Variants in MIS18BP1 observed in about 807,000 individuals in gnomAD.
The protein encoded by MIS18BP1 is MIS18 binding protein 1, also known as mis18-binding protein 1.
A neutral mutation model predicts 116.1 loss-of-function variants in MIS18BP1; 72 were observed. That is an observed-to-expected ratio of 0.62 (90% CI 0.51 to 0.75). The LOEUF (loss-of-function observed/expected upper bound fraction) is 0.75, where lower values mean the gene tolerates loss of function less well. Ranked by LOEUF, MIS18BP1 falls within the 30% of genes least tolerant of loss-of-function variation. The pLI is 0.00. For synonymous variants in MIS18BP1, 386 were observed against 427.0 expected (o/e 0.90, Z 1.18); for missense variants, 1,363 against 1,303.2 (o/e 1.05, Z -0.71).
At chr14:45,215,620 C>T (rs1456064289) in intron 13 of MIS18BP1, among the ~76,000 whole-genome samples, 1 of 151,810 alleles carries the variant, frequency 6.6e-6, no homozygotes, top group African/African-American at 2.4e-5. Flanking sequence ...ACCATGTTGG[C>T]CAGAATGGTC....
intron 5 of MIS18BP1, among the ~76,000 whole-genome samples, chr14:45,236,530 T>C (rs1175610314): frequency 6.6e-6 from 1 of 152,198 alleles, no homozygotes. Flanking sequence ...AGATAAATGA[T>C]GAACACTGTC....
At chr14:45,225,872 T>G (rs562122717) in intron 10 of MIS18BP1, among the ~76,000 whole-genome samples, 78 of 152,302 alleles carry the variant, frequency 5.1e-4, no homozygotes, top group African/African-American at 1.9e-3. Flanking sequence ...ACAAGATGAC[T>G]GACAGAATGA....
intron 8 of MIS18BP1, among the ~76,000 whole-genome samples, chr14:45,228,575 C>A (rs115066845): frequency 0.027 from 4,121 of 152,278 alleles, 110 homozygotes; most frequent in African/African-American, 0.068. Flanking sequence ...CTAAATTATA[C>A]AGTATATAAT....
chr14:45,237,562 G>A, intron 5 of MIS18BP1, 86 bp downstream of exon 5: 1 of 1,455,540 alleles, frequency 6.9e-7, no homozygotes, highest in South Asian at 1.3e-5. Flanking sequence ...TTGCTTTGTG[G>A]AGGATGCTAT....
intron 1 of MIS18BP1, among the ~76,000 whole-genome samples, chr14:45,251,015 C>T (rs1158505125): frequency 1.6e-5 from 2 of 122,656 alleles, no homozygotes; most frequent in African/African-American, 6.4e-5. Context: ...CCAGCATGGG[C>T]GAGACATCAA....
In MIS18BP1 at chr14:45,227,520, G is replaced by A. The variant is rs113983959; in HGVS notation, c.1746+143C>T. 2.2e-3 allele frequency: 1,492 copies of A among 665,294 alleles called. 23 individuals carry two copies. The African/African-American group carries it at 0.025, about 11-fold the overall frequency. The allele number at this position is 665,294 out of a possible 1,614,324, so 41.2% of individuals were successfully genotyped here. A position where few individuals can be genotyped will look rare whatever the true frequency, so the allele number is the denominator to read the frequency against. On this transcript the variant is annotated intron_variant, in intron 9 of 16. Transcript: ENST00000310806. Reference sequence around the variant, plus strand: ...AGATCACGCCACTGCACTCCAGCCTGGGCAATAGAGGGAGACTCCATCTCA... The same window carrying A: ...AGATCACGCCACTGCACTCCAGCCTAGGCAATAGAGGGAGACTCCATCTCA...
intron 14 of MIS18BP1, among the ~76,000 whole-genome samples, chr14:45,208,330 G>GT (rs1166566812): frequency 0.17 from 20,400 of 120,944 alleles, 1,996 homozygotes; most frequent in Middle Eastern, 0.28. Flanking sequence ...GGATGAAGTT[G>GT]TTTTTTTTTT....
At chr14:45,221,282 C>G (rs978220596) in intron 11 of MIS18BP1, among the ~76,000 whole-genome samples, 2 of 151,866 alleles carry the variant, frequency 1.3e-5, no homozygotes. Flanking sequence ...ACTGAAAATA[C>G]AAAAAATTAG....
Position 45,224,209 on chromosome 14 carries a change from G to A in MIS18BP1, c.2378C>T (p.Ala793Val), listed in dbSNP as rs759875567. The change falls in exon 11 of 17, where the codon GCA (alanine) becomes GTA (valine). Residue 793 changes from alanine (A) to valine (V), a missense_variant. Physicochemically the swap from Ala to Val is moderately conservative, Grantham distance 64. Coordinates refer to ENST00000310806, the MANE Select transcript of MIS18BP1 (RefSeq NM_018353.5). Reference protein sequence around the residue: ...KRKAEVKKTKAGNTKEAVVHL... With the variant: ...KRKAEVKKTKVGNTKEAVVHL... ...AACCACTGCTTCTTTGGTGTTTCCT[G>A]CTTTGGTTTTCTTAACTTCAGCTTT... is the stretch of plus-strand genomic sequence containing the variant. 1 of 1,613,880 alleles carries A rather than the reference G, an allele frequency of 6.2e-7. No homozygotes were observed. The highest frequency in any genetic ancestry group is 2.2e-5 in the East Asian group (1 of 44,852).
At chr14:45,232,260 CA>C (rs1464964312) in intron 7 of MIS18BP1, among the ~76,000 whole-genome samples, 1 of 151,126 alleles carries the variant, frequency 6.6e-6, no homozygotes, top group South Asian at 2.1e-4. Flanking sequence ...ACTAAAAATA[CA>C]AAAAAATTAG....
At chr14:45,214,236 A>C (rs1890752878) in intron 13 of MIS18BP1, among the ~76,000 whole-genome samples, 1 of 152,238 alleles carries the variant, frequency 6.6e-6, no homozygotes, top group Non-Finnish European at 1.5e-5. Context: ...CCTGGGCAAT[A>C]GAATATCTCA....
In MIS18BP1 at chr14:45,223,950, T is replaced by C. The variant is rs761653922; in HGVS notation, c.2637A>G (p.Glu879=). ...GTTTCTGTAACTCCTTCTCATTCCA[T>C]TCCTTATCCTGAATTAAACCAGGTA... ...ECLPGLIQDK[E]WNEKELQKLH... is the part of the protein sequence containing the mutation. Residue 879 remains glutamate (E), a synonymous_variant, in exon 11 of 17, where the codon GAA becomes GAG. Coordinates refer to ENST00000310806, the MANE Select transcript of MIS18BP1 (RefSeq NM_018353.5). 1.1e-5 allele frequency: 17 copies of C among 1,592,058 alleles called. No individual in the cohort carries two copies. The highest frequency in any genetic ancestry group is 1.4e-5 in the African/African-American group (1 of 73,396).
At chr14:45,240,116 A>C (rs1234686767) in intron 4 of MIS18BP1, among the ~76,000 whole-genome samples, 3 of 152,040 alleles carry the variant, frequency 2.0e-5, no homozygotes, top group African/African-American at 7.2e-5. Context: ...CATATTGGAG[A>C]GCTATCAGCA....
chr14:45,250,972 G>A (rs1891856159), intron 1 of MIS18BP1, among the ~76,000 whole-genome samples: 1 of 148,234 alleles, frequency 6.7e-6, no homozygotes, highest in African/African-American at 2.5e-5. Context: ...GGGAGGCGGA[G>A]CTTGCAGTGA....
chr14:45,217,525 G>A (rs956527130), intron 12 of MIS18BP1, among the ~76,000 whole-genome samples: 2 of 152,114 alleles, frequency 1.3e-5, no homozygotes, highest in Admixed American at 6.5e-5. Context: ...CTGGGATCTG[G>A]GATTTGTGCA....
At chr14:45,211,855 C>G (rs1890682731) in intron 13 of MIS18BP1, among the ~76,000 whole-genome samples, 1 of 152,182 alleles carries the variant, frequency 6.6e-6, no homozygotes, top group Non-Finnish European at 1.5e-5. Context: ...ACCTCCTTTT[C>G]TATTTCTGTC....
At chr14:45,208,878 G>A (rs1225434286) in intron 14 of MIS18BP1, among the ~76,000 whole-genome samples, 6 of 152,038 alleles carry the variant, frequency 3.9e-5, no homozygotes, top group South Asian at 2.1e-4. Flanking sequence ...CTCATTCTGT[G>A]GAAATTGCTC....
At chr14:45,204,516 G>A in intron 15 of MIS18BP1, 63 bp from the exon 16 acceptor site, 1 of 1,265,556 alleles carries the variant, frequency 7.9e-7, no homozygotes, top group South Asian at 1.4e-5. Flanking sequence ...CTCAAATCTA[G>A]ACAAAATTAA....
At chr14:45,236,224 A>T (rs1299779681) in intron 5 of MIS18BP1, among the ~76,000 whole-genome samples, 1 of 152,200 alleles carries the variant, frequency 6.6e-6, no homozygotes, top group Admixed American at 6.5e-5. Context: ...GCTGGCAATA[A>T]ATACTTGCAG....
Sources: allele counts gnomAD v4.1 joint callset (sites outside exome capture counted in the v4.1 genomes callset), GRCh38; gene constraint gnomAD v4.1.1; transcripts MANE v1.5; gene names NCBI Gene and HGNC (gene_info 2026-07-23, HGNC 2026-07-21).